Variants in B3GAT1 observed in about 807,000 individuals in gnomAD.
B3GAT1 encodes beta-1,3-glucuronyltransferase 1.
Under a neutral mutation model 28.4 loss-of-function variants are expected in B3GAT1, and 11 were observed. The observed-to-expected ratio is 0.39, with a 90% CI of 0.24 to 0.64. B3GAT1 has a LOEUF of 0.64. Among genes scored for constraint, B3GAT1 ranks in the 30% least tolerant of loss-of-function variants. The probability of loss-of-function intolerance (pLI) is 0.50; values close to 1 mark genes in which losing one functional copy is unlikely to be tolerated. For missense variants in B3GAT1, 375 were observed against 491.0 expected (o/e 0.76, Z 2.23); for synonymous variants, 255 against 223.1 (o/e 1.14, Z -1.27).
At chr11:134,384,241 G>A (rs2136305413) in intron 2 of B3GAT1, 53 bp from the exon 3 acceptor site, 2 of 1,502,052 alleles carry the variant, frequency 1.3e-6, no homozygotes, top group Non-Finnish European at 1.8e-6. Context: ...CTACGGCCCT[G>A]GATTCAGAGC....
intron 1 of B3GAT1, among the ~76,000 whole-genome samples, chr11:134,397,844 T>C (rs1591645396): frequency 6.6e-6 from 1 of 152,146 alleles, no homozygotes; most frequent in African/African-American, 2.4e-5. Context: ...TGTGGGGGTA[T>C]ACCTGGGCCT....
chr11:134,402,974 G>C (rs1253351530), intron 1 of B3GAT1, among the ~76,000 whole-genome samples: 1 of 151,980 alleles, frequency 6.6e-6, no homozygotes, highest in Non-Finnish European at 1.5e-5. Context: ...GCACATGTGT[G>C]AACCAGAGTG....
At chr11:134,403,521 G>T (rs189965506) in intron 1 of B3GAT1, among the ~76,000 whole-genome samples, 1 of 152,170 alleles carries the variant, frequency 6.6e-6, no homozygotes, top group African/African-American at 2.4e-5. Context: ...GTAGAATGGG[G>T]TGCCTCCTTC....
Position 134,384,062 on chromosome 11 carries a change from G to A in B3GAT1, c.239C>T (p.Ser80Phe), listed in dbSNP as rs1944210660. 5 of 1,604,302 alleles carry A rather than the reference G, an allele frequency of 3.1e-6. No homozygotes were observed. The highest frequency in any genetic ancestry group is 4.2e-6 in the Non-Finnish European group (5 of 1,178,500). Reference sequence around the variant, plus strand: ...CACGTGGATGGTGGGCAGCGTGTCGGACCATGGCGGGGGCCGCGTGTACAC... The same window carrying A: ...CACGTGGATGGTGGGCAGCGTGTCGAACCATGGCGGGGGCCGCGTGTACAC... The part of the protein sequence containing the change: ...EYVYTRPPPW[S>F]DTLPTIHVVT... Residue 80 changes from serine (S) to phenylalanine (F), a missense_variant, in exon 3 of 6, where the codon TCC (serine) becomes TTC (phenylalanine). Physicochemically the swap from Ser to Phe is radical, Grantham distance 155 (BLOSUM62 -2). Transcript: ENST00000312527.
intron 1 of B3GAT1, among the ~76,000 whole-genome samples, chr11:134,399,471 C>T (rs1238106605): frequency 6.6e-6 from 1 of 152,240 alleles, no homozygotes; most frequent in South Asian, 2.1e-4. Flanking sequence ...GGGGGCCAGG[C>T]CCGTAGGGCC....
At chr11:134,384,266 C>T (rs1273439122) in intron 2 of B3GAT1, 78 bp from the exon 3 acceptor site, 7 of 1,449,204 alleles carry the variant, frequency 4.8e-6, no homozygotes, top group Non-Finnish European at 5.4e-6. Context: ...CGCCACCCAC[C>T]CTGCCAGGGC....
intron 1 of B3GAT1, among the ~76,000 whole-genome samples, chr11:134,406,993 C>A (rs1384317533): frequency 1.3e-5 from 2 of 152,172 alleles, no homozygotes; most frequent in African/African-American, 2.4e-5. Flanking sequence ...CCTGTGCAGG[C>A]TCAGGTCCAC....
chr11:134,382,025 C>G lies in B3GAT1; in HGVS notation c.919-1G>C. ...CTGTCCGTGTGTGCCACACCAGGATCTGTGTGCCCAGAGATGCAAAACATG... is the reference window on the plus strand; with the variant it reads ...CTGTCCGTGTGTGCCACACCAGGATGTGTGTGCCCAGAGATGCAAAACATG... On this transcript the variant is annotated splice_acceptor_variant, in intron 4 of 5. Transcript: ENST00000312527. LOFTEE classifies it high-confidence loss of function. 1 of 1,614,078 alleles carries G rather than the reference C, an allele frequency of 6.2e-7. No homozygotes were observed. Among genetic ancestry groups the G allele is most frequent in the Non-Finnish European group, 8.5e-7 (1 of 1,180,012 alleles).
At chr11:134,392,840 G>A (rs1311921442) in intron 1 of B3GAT1, among the ~76,000 whole-genome samples, 7 of 152,204 alleles carry the variant, frequency 4.6e-5, no homozygotes, top group Admixed American at 3.3e-4. Flanking sequence ...AGCATGGAAA[G>A]GTTTTCTTCT....
rs558795192 is a variant in B3GAT1 at position 134,382,851 on chromosome 11, G to C, written c.777C>G (p.Ala259=). ...RPFAIDMAGF[A]VNLRLILQRS... is the part of the protein sequence containing the mutation. ...GCTGCAGAATGAGCCGCAGGTTGAC[G>C]GCAAATCCAGCCATGTCTATTGCAA... The change falls in exon 4 of 6, where the codon GCC becomes GCG. Residue 259 remains alanine, a synonymous_variant. Transcript: ENST00000312527. The C allele has an allele frequency of 9.9e-6, 16 of 1,614,182 alleles. No individual in the cohort carries two copies. In the East Asian group the frequency reaches 2.0e-4, roughly 20 times the overall value.
At chr11:134,406,243 G>A (rs1944730513) in intron 1 of B3GAT1, among the ~76,000 whole-genome samples, 1 of 152,250 alleles carries the variant, frequency 6.6e-6, no homozygotes, top group South Asian at 2.1e-4. Flanking sequence ...CTCCATCCCT[G>A]CTCGACATGG....
Position 134,411,554 on chromosome 11 carries a change from C to G in B3GAT1, c.-282+253G>C, listed in dbSNP as rs570720196. ...GCTGAGAACCAGCTCTTCCCCTAATCCCGGTCGACGAGGGCAGGCTGTGCC... is the reference window on the plus strand; with the variant it reads ...GCTGAGAACCAGCTCTTCCCCTAATGCCGGTCGACGAGGGCAGGCTGTGCC... On this transcript the variant is annotated intron_variant, in intron 1 of 5. Coordinates refer to ENST00000312527, the MANE Select transcript of B3GAT1 (RefSeq NM_054025.3). The surrounding 1 kb of genome is among the most constrained non-coding windows in gnomAD (Gnocchi z 6.0). 2.8e-3 allele frequency among the ~76,000 whole-genome samples: 419 copies of G among 152,262 alleles called. 1 individual carries two copies. Among genetic ancestry groups the G allele is most frequent in the Non-Finnish European group, 3.7e-3 (253 of 67,986 alleles).
Position 134,378,745 on chromosome 11 carries a change from T to C in B3GAT1, c.*2017A>G, listed in dbSNP as rs1944065183. 6.6e-6 allele frequency: 1 copy of C among 152,156 alleles called. No homozygotes were observed. The highest frequency in any genetic ancestry group is 6.5e-5 in the Admixed American group (1 of 15,268). The allele number at this position is 152,156 out of a possible 1,614,324, so 9.4% of individuals were successfully genotyped here. On this transcript the variant is annotated 3_prime_UTR_variant, in exon 6 of 6. Coordinates refer to ENST00000312527, the MANE Select transcript of B3GAT1 (RefSeq NM_054025.3). ...CATTTCTGATTTATAACAAACTCAT[T>C]CCCAATAAAGATGAAGGCTGCAGTC...
chr11:134,382,762 C>T lies in B3GAT1; in HGVS notation c.866G>A (p.Arg289Gln), dbSNP rs1376263227. ...KGGYQESSLL[R>Q]ELVTLNDLEP... ...CAGGTCGTTGAGGGTGACAAGTTCT[C>T]GAAGGAGGCTGCTTTCCTGGTAGCC... Residue 289 changes from arginine (R) to glutamine (Q), a missense_variant, in exon 4 of 6, where the codon CGA (arginine) becomes CAA (glutamine). Transcript: ENST00000312527. 2 of 1,614,034 alleles carry T rather than the reference C, an allele frequency of 1.2e-6. No homozygotes were observed. Among genetic ancestry groups the T allele is most frequent in the African/African-American group, 1.3e-5 (1 of 74,930 alleles).
At position 134,387,931 on chromosome 11, in the gene B3GAT1, G is replaced by C; in HGVS notation, c.-272C>G. On this transcript the variant is annotated 5_prime_UTR_variant, in exon 2 of 6. Coordinates refer to ENST00000312527, the MANE Select transcript of B3GAT1 (RefSeq NM_054025.3). ...AGGGGCAGGGGTCAGGAACCCTGGG[G>C]GGTGGACACCTGCAAGAGAGAGCAG... 1 of 1,381,036 alleles carries C rather than the reference G, an allele frequency of 7.2e-7. No homozygotes were observed. Among genetic ancestry groups the C allele is most frequent in the Non-Finnish European group, 9.8e-7 (1 of 1,023,308 alleles). The allele number at this position is 1,381,036 out of a possible 1,614,324, so 85.5% of individuals were successfully genotyped here.
intron 1 of B3GAT1, among the ~76,000 whole-genome samples, chr11:134,396,577 A>T (rs961671680): frequency 2.6e-5 from 4 of 152,070 alleles, no homozygotes; most frequent in Non-Finnish European, 5.9e-5. Flanking sequence ...CATCTGTAAA[A>T]CGGGAATAAA....
intron 1 of B3GAT1, chr11:134,388,264 C>T (rs1043210392): frequency 4.3e-6 from 1 of 229,922 alleles, no homozygotes; most frequent in African/African-American, 2.2e-5. Context: ...TTCCGTTCTC[C>T]ATGCCACAGT....
chr11:134,410,173 G>A (rs56330625), intron 1 of B3GAT1, among the ~76,000 whole-genome samples: 29,840 of 152,224 alleles, frequency 0.2, 3,644 homozygotes, highest in African/African-American at 0.34. Context: ...CAATCCTGTT[G>A]CTGGAGCTTA....
chr11:134,394,427 C>T (rs949993347), intron 1 of B3GAT1, among the ~76,000 whole-genome samples: 4 of 152,234 alleles, frequency 2.6e-5, no homozygotes, highest in African/African-American at 9.6e-5. Flanking sequence ...TGTCCAGTGC[C>T]ACCCGTGCCC....
Sources: gnomAD v4.1 joint callset for allele counts (sites outside exome capture counted in the v4.1 genomes callset) on GRCh38, gnomAD v4.1.1 for gene constraint, Gnocchi (gnomAD v3.1) non-coding constraint, MANE v1.5 for transcripts, NCBI Gene and HGNC (gene_info 2026-07-23, HGNC 2026-07-21) for gene names.